MEP1A: variants seen among roughly 807,000 people sequenced by gnomAD.
The protein encoded by MEP1A is N-benzoyl-L-tyrosyl-P-amino-benzoic acid hydrolase subunit alpha.
MEP1A carries 68 observed loss-of-function variants against 84.5 expected under a neutral mutation model. That is an observed-to-expected ratio of 0.80 (90% confidence interval 0.66 to 0.98). The LOEUF is 0.98. Ranked by LOEUF, MEP1A falls within the 50% of genes least tolerant of loss-of-function variation. The probability of loss-of-function intolerance (pLI) is 0.00; values close to 1 mark genes in which losing one functional copy is unlikely to be tolerated. For missense variants in MEP1A, 887 were observed against 919.9 expected, an observed-to-expected ratio of 0.96 and a Z score of 0.46; for synonymous variants, 337 against 336.8, an observed-to-expected ratio of 1.00 and a Z score of -0.01.
At position 46,796,943 on chromosome 6, in the gene MEP1A, G is replaced by A. The variant is rs192922099; in HGVS notation, c.146-1663G>A. 5.9e-5 allele frequency among the ~76,000 whole-genome samples: 9 copies of A among 152,350 alleles called. 1 individual carries two copies. In the East Asian group the frequency reaches 1.5e-3, roughly 26 times the overall value. ...GATTCAAATCTGGGTCCTACTGACAGTGGGACAGTGATGTCATTACTGTTT... is the reference window on the plus strand; with the variant it reads ...GATTCAAATCTGGGTCCTACTGACAATGGGACAGTGATGTCATTACTGTTT... On this transcript the variant is annotated intron_variant, in intron 3 of 13. Transcript: ENST00000230588.
intron 8 of MEP1A, 77 bp downstream of exon 8, chr6:46,825,570 A>G (rs1767922876): frequency 9.8e-7 from 1 of 1,021,710 alleles, no homozygotes; most frequent in Non-Finnish European, 1.4e-6. Context: ...TTTCCTTTAC[A>G]TTTTCCTTTA....
chr6:46,826,727 A>G (rs1767956898), intron 9 of MEP1A, among the ~76,000 whole-genome samples: 1 of 152,234 alleles, frequency 6.6e-6, no homozygotes, highest in South Asian at 2.1e-4. Context: ...ATATTAGTAT[A>G]TGATTGATAA....
intron 5 of MEP1A, among the ~76,000 whole-genome samples, chr6:46,807,567 AG>A (rs57479426): frequency 0.019 from 1,145 of 58,978 alleles, 11 homozygotes; most frequent in African/African-American, 0.045. Flanking sequence ...AAAGAAAGAA[AG>A]GAAGGAAGGA....
intron 12 of MEP1A, 25 bp from the exon 13 acceptor site, chr6:46,835,224 C>A: frequency 6.4e-7 from 1 of 1,555,588 alleles, no homozygotes; most frequent in Non-Finnish European, 8.7e-7. Context: ...CCTGGATCTT[C>A]CTCATGACTC....
intron 13 of MEP1A, among the ~76,000 whole-genome samples, chr6:46,837,126 A>G (rs1768232875): frequency 6.6e-6 from 1 of 152,118 alleles, no homozygotes; most frequent in Admixed American, 6.5e-5. Context: ...TGCAATACTC[A>G]CCACTGAGAT....
intron 5 of MEP1A, among the ~76,000 whole-genome samples, chr6:46,801,381 G>A (rs964499870): frequency 6.6e-6 from 1 of 151,974 alleles, no homozygotes; most frequent in African/African-American, 2.4e-5. Context: ...GTGATATTTA[G>A]CACATTTTAG....
At chr6:46,833,999 T>A (rs1283608100) in intron 11 of MEP1A, among the ~76,000 whole-genome samples, 3 of 150,496 alleles carry the variant, frequency 2.0e-5, no homozygotes, top group African/African-American at 4.9e-5. Context: ...TTTTTTGAGA[T>A]GGAGTCTCCC....
At chr6:46,842,136 T>C (rs571681176), downstream of MEP1A, among the ~76,000 whole-genome samples, 2 of 152,330 alleles carry the variant, frequency 1.3e-5, no homozygotes, top group East Asian at 3.9e-4. Context: ...ATTATCTTTG[T>C]CAGCTGAGAA....
chr6:46,813,662 T>G (rs1454817958), intron 6 of MEP1A, among the ~76,000 whole-genome samples: 1 of 152,196 alleles, frequency 6.6e-6, no homozygotes, highest in Non-Finnish European at 1.5e-5. Flanking sequence ...GATTTATGCT[T>G]TAAGGAGTTC....
At chr6:46,827,527 A>G (rs1223908056) in intron 9 of MEP1A, among the ~76,000 whole-genome samples, 1 of 152,206 alleles carries the variant, frequency 6.6e-6, no homozygotes, top group Non-Finnish European at 1.5e-5. Flanking sequence ...AGACTAGACT[A>G]TTGCAAAGTC....
intron 5 of MEP1A, 43 bp downstream of exon 5, chr6:46,799,224 T>A (rs762633568): frequency 7.8e-7 from 1 of 1,289,540 alleles, no homozygotes; most frequent in Non-Finnish European, 1.1e-6. Flanking sequence ...AGTTTAACTC[T>A]CTCTCTCCTC....
In MEP1A at chr6:46,826,348, T is replaced by G; in HGVS notation, c.779-6T>G. 1 of 1,581,508 alleles carries G rather than the reference T, an allele frequency of 6.3e-7. No homozygotes were observed. Among genetic ancestry groups the G allele is most frequent in the Non-Finnish European group, 8.6e-7 (1 of 1,164,148 alleles). ...TTTAACCAGATGATAAAAATATAAT[T>G]TGCAGCCACAACTCACACTCTTTTG... On this transcript the variant is annotated splice_polypyrimidine_tract_variant and splice_region_variant and intron_variant, in intron 8 of 13. Transcript: ENST00000230588.
intron 7 of MEP1A, among the ~76,000 whole-genome samples, chr6:46,822,695 C>A (rs1176215746): frequency 6.6e-6 from 1 of 152,056 alleles, no homozygotes. Flanking sequence ...TGGCGTCCAC[C>A]ACCATGCCCA....
In MEP1A at chr6:46,800,158, T is replaced by G. The variant is rs539872221; in HGVS notation, c.262+977T>G. Among the ~76,000 whole-genome samples the G allele has an allele frequency of 8.5e-5, 13 of 152,332 alleles. No homozygotes were observed. The East Asian group carries it at 1.3e-3, about 16-fold the overall frequency. Reference sequence around the variant, plus strand: ...CGGAACATCAATACTTAATGGAACATGATTTAAGAAACACCAACTTTAAAA... The same window carrying G: ...CGGAACATCAATACTTAATGGAACAGGATTTAAGAAACACCAACTTTAAAA... On this transcript the variant is annotated intron_variant, in intron 5 of 13. Coordinates refer to ENST00000230588, the MANE Select transcript of MEP1A (RefSeq NM_005588.3).
intron 3 of MEP1A, among the ~76,000 whole-genome samples, chr6:46,797,792 C>CTCTA: frequency 7.3e-6 from 1 of 136,798 alleles, no homozygotes; most frequent in South Asian, 2.4e-4. Context: ...TTCTTTCTTT[C>CTCTA]TCTTTCTTTC....
At chr6:46,811,685 A>T (rs1221045493) in intron 6 of MEP1A, among the ~76,000 whole-genome samples, 1 of 151,926 alleles carries the variant, frequency 6.6e-6, no homozygotes, top group African/African-American at 2.4e-5. Flanking sequence ...TCATACAGGG[A>T]TGGTGGACTT....
chr6:46,796,988 C>T (rs1767062166), intron 3 of MEP1A, among the ~76,000 whole-genome samples: 1 of 152,172 alleles, frequency 6.6e-6, no homozygotes, highest in South Asian at 2.1e-4. Context: ...CGTACTGCTA[C>T]CATAAGAATA....
intron 3 of MEP1A, among the ~76,000 whole-genome samples, chr6:46,794,129 T>C (rs1766997959): frequency 6.6e-6 from 1 of 152,296 alleles, no homozygotes; most frequent in East Asian, 1.9e-4. Context: ...ACTCCTCGGT[T>C]GAGACTTAGG....
downstream of MEP1A, among the ~76,000 whole-genome samples, chr6:46,840,408 AAATGTGCCAGAATCTAACAAGATATAAG>A (rs1319845430): frequency 6.6e-6 from 1 of 152,208 alleles, no homozygotes; most frequent in Admixed American, 6.5e-5. Context: ...GTGCATTCTT[AAATGTGCCAGAATCTAACAAGATATAAG>A]AATGTGCCAG....
Sources: allele counts gnomAD v4.1 joint callset (sites outside exome capture counted in the v4.1 genomes callset), GRCh38; gene constraint gnomAD v4.1.1; transcripts MANE v1.5; gene names NCBI Gene and HGNC (gene_info 2026-07-23, HGNC 2026-07-21).